PGAP1: variants seen among roughly 807,000 people sequenced by gnomAD.
PGAP1 encodes post-GPI attachment to proteins inositol deacylase 1, also known as GPI inositol-deacylase.
PGAP1 carries 76 observed loss-of-function variants against 127.0 expected under a neutral mutation model. That is an observed-to-expected ratio of 0.60 (90% confidence interval 0.50 to 0.72). The LOEUF (loss-of-function observed/expected upper bound fraction) is 0.72. PGAP1 is among the 30% of genes least tolerant of loss of function. The pLI is 0.00. For missense variants in PGAP1, 982 were observed against 1,071.3 expected, an observed-to-expected ratio of 0.92 and a Z score of 1.16; for synonymous variants, 362 against 366.5, an observed-to-expected ratio of 0.99 and a Z score of 0.14.
At chr2:196,842,687 A>G in intron 26 of PGAP1, 34 bp downstream of exon 26, 1 of 1,134,696 alleles carries the variant, frequency 8.8e-7, no homozygotes, top group Non-Finnish European at 1.3e-6. Context: ...GGCCAAGAAC[A>G]GATATAAGAA....
intron 13 of PGAP1, 37 bp from the exon 14 acceptor site, chr2:196,875,858 G>T: frequency 9.0e-7 from 1 of 1,113,702 alleles, no homozygotes; most frequent in Non-Finnish European, 1.3e-6. Flanking sequence ...GAAAAAGTAA[G>T]TTAAATTTAC....
intron 20 of PGAP1, among the ~76,000 whole-genome samples, chr2:196,855,325 C>CAAAAAAA (rs112534782): frequency 3.0e-5 from 2 of 67,156 alleles, no homozygotes. Flanking sequence ...ACTCTGTCAC[C>CAAAAAAA]AAAAAAAAAA....
In PGAP1 at chr2:196,926,514, T is replaced by G. The variant is rs1576214966; in HGVS notation, c.103A>C (p.Asn35His). Reference sequence around the variant, plus strand: ...AACATGTAGCTCATACTGCACTTATTCTCCTCGAAGCCGAAGAAGACATCC... The same window carrying G: ...AACATGTAGCTCATACTGCACTTATGCTCCTCGAAGCCGAAGAAGACATCC... ...LWDVFFGFEENKCSMSYMFEY... is the reference protein window; with the variant it reads ...LWDVFFGFEEHKCSMSYMFEY... The change falls in exon 1 of 27, where the codon AAT (asparagine) becomes CAT (histidine). Residue 35 changes from asparagine to histidine, a missense_variant. Transcript: ENST00000354764. 6.2e-7 allele frequency: 1 copy of G among 1,614,080 alleles called. No individual in the cohort carries two copies. Among genetic ancestry groups the G allele is most frequent in the Middle Eastern group, 1.6e-4 (1 of 6,062 alleles).
chr2:196,886,413 G>A (rs548996765), intron 10 of PGAP1, among the ~76,000 whole-genome samples: 21 of 151,658 alleles, frequency 1.4e-4, no homozygotes, highest in Non-Finnish European at 2.5e-4. Flanking sequence ...TGCCCGCCTC[G>A]GCCTTCCAAA....
intron 14 of PGAP1, chr2:196,873,990 A>G (rs1393256319): frequency 2.6e-6 from 1 of 379,078 alleles, no homozygotes; most frequent in Non-Finnish European, 4.7e-6. Context: ...TCAGGTATAT[A>G]ATTCCAATTT....
At chr2:196,886,869 T>G (rs1701926846) in intron 10 of PGAP1, among the ~76,000 whole-genome samples, 1 of 152,042 alleles carries the variant, frequency 6.6e-6, no homozygotes, top group Non-Finnish European at 1.5e-5. Context: ...AGCTAATTTT[T>G]GTATTTTTAG....
intron 8 of PGAP1, 120 bp downstream of exon 8, chr2:196,893,020 A>ATG: frequency 2.0e-6 from 1 of 501,788 alleles, no homozygotes; most frequent in Non-Finnish European, 3.5e-6. Flanking sequence ...GTATATATAT[A>ATG]ATAGGATCCT....
chr2:196,912,494 C>G (rs190076993), intron 4 of PGAP1, among the ~76,000 whole-genome samples: 37 of 148,984 alleles, frequency 2.5e-4, no homozygotes, highest in Middle Eastern at 3.5e-3. Flanking sequence ...GCACGAGAAT[C>G]GCTTGAACCT....
At chr2:196,898,145 A>G (rs553616166) in intron 6 of PGAP1, among the ~76,000 whole-genome samples, 172 bp downstream of exon 6, 1 of 152,106 alleles carries the variant, frequency 6.6e-6, no homozygotes, top group East Asian at 1.9e-4. Flanking sequence ...TGAAGCCAGG[A>G]GGCGAGAGGT....
At position 196,892,386 on chromosome 2, in the gene PGAP1, AC is replaced by A; in HGVS notation, c.1048del (p.Val350PhefsTer2). 6.8e-7 allele frequency: 1 copy of A among 1,466,812 alleles called. No individual in the cohort carries two copies. The highest frequency in any genetic ancestry group is 9.4e-7 in the Non-Finnish European group (1 of 1,064,616). 90.9% of individuals were successfully genotyped at this position (1,466,812 alleles called of 1,614,324 possible). A position where few individuals can be genotyped will look rare whatever the true frequency, so the allele number is the denominator to read the frequency against. ...ISDLTGTSMW[V>X]LVKVSKWTYV... ...GGTCCATTTGGACACTTTTACTAGA[AC>A]CCACATAGATGTCCCTGAAGGTAAA... On this transcript the variant is annotated frameshift_variant, in exon 9 of 27. Coordinates refer to ENST00000354764, the MANE Select transcript of PGAP1 (RefSeq NM_024989.4). LOFTEE classifies it high-confidence loss of function.
At chr2:196,867,130 T>C (rs1265033840) in intron 19 of PGAP1, among the ~76,000 whole-genome samples, 1 of 152,172 alleles carries the variant, frequency 6.6e-6, no homozygotes, top group Non-Finnish European at 1.5e-5. Context: ...ATCCCATTAC[T>C]GAGTATATAC....
Position 196,847,947 on chromosome 2 carries a change from C to G in PGAP1, c.1952G>C (p.Gly651Ala). The G allele has an allele frequency of 6.4e-7, 1 of 1,559,644 alleles. No individual in the cohort carries two copies. Reference protein sequence around the residue: ...PFVIIIKFLLGYKWFKELWDV... With the variant: ...PFVIIIKFLLAYKWFKELWDV... ...CATTATCACAGATAATAAAACTTAC[C>G]CCAACAGAAACTTAATGATAATTAC... The change falls in exon 21 of 27, where the codon GGG becomes GCG. Residue 651 changes from glycine (G) to alanine (A), a missense_variant and splice_region_variant. Physicochemically the swap from Gly to Ala is moderately conservative, Grantham distance 60. Transcript: ENST00000354764.
At chr2:196,914,395 T>TA (rs1475590942) in intron 3 of PGAP1, among the ~76,000 whole-genome samples, 9 of 152,058 alleles carry the variant, frequency 5.9e-5, no homozygotes, top group Admixed American at 3.9e-4. Context: ...CCAAGGTAGG[T>TA]GGATCACTTC....
chr2:196,842,060 A>C (rs193015934), intron 26 of PGAP1, among the ~76,000 whole-genome samples: 7 of 151,636 alleles, frequency 4.6e-5, no homozygotes, highest in African/African-American at 7.2e-5. Context: ...AAAAAAAAAA[A>C]CAAAAAACCA....
chr2:196,925,346 G>A (rs1325139623), intron 1 of PGAP1, among the ~76,000 whole-genome samples: 1 of 151,872 alleles, frequency 6.6e-6, no homozygotes, highest in Non-Finnish European at 1.5e-5. Context: ...ATCAGGACTT[G>A]CATCCTTCAC....
Position 196,883,192 on chromosome 2 carries a change from T to C in PGAP1, c.1272+2232A>G, listed in dbSNP as rs74595310. ...TTAATCGAGTTTTGTTCTGGAAGTATGTGTGGGGTGGGAGTAGTTATATGT... is the reference window on the plus strand; with the variant it reads ...TTAATCGAGTTTTGTTCTGGAAGTACGTGTGGGGTGGGAGTAGTTATATGT... On this transcript the variant is annotated intron_variant, in intron 12 of 26. Transcript: ENST00000354764. Among the ~76,000 whole-genome samples the C allele has an allele frequency of 5.7e-3, 863 of 152,328 alleles. 5 individuals carry two copies. The highest frequency in any genetic ancestry group is 0.02 in the African/African-American group (835 of 41,576).
chr2:196,912,956 T>A lies in PGAP1; in HGVS notation c.575A>T (p.Asp192Val), dbSNP rs1576195685. 1 of 1,613,888 alleles carries A rather than the reference T, an allele frequency of 6.2e-7. No homozygotes were observed. Among genetic ancestry groups the A allele is most frequent in the Non-Finnish European group, 8.5e-7 (1 of 1,179,900 alleles). ...ALLTLKNFKH[D>V]LINLLITQAT... ...TTGTGTAATAAGAAGATTTATCAGA[T>A]CATGCTTAAAATTTTTCAGTGTAAG... The change falls in exon 4 of 27, where the codon GAT becomes GTT. Residue 192 changes from aspartate (D) to valine (V), a missense_variant. Coordinates refer to ENST00000354764, the MANE Select transcript of PGAP1 (RefSeq NM_024989.4).
chr2:196,916,678 C>T, intron 2 of PGAP1, 85 bp from the exon 3 acceptor site: 1 of 1,305,062 alleles, frequency 7.7e-7, no homozygotes, highest in Non-Finnish European at 1.0e-6. Context: ...AGTAAATAAC[C>T]TTATCCTGCA....
chr2:196,865,799 T>C (rs990356645), intron 19 of PGAP1, among the ~76,000 whole-genome samples: 2 of 151,870 alleles, frequency 1.3e-5, no homozygotes, highest in East Asian at 3.9e-4. Flanking sequence ...ATACATATAA[T>C]AACAAAAACA....
Sources: gnomAD v4.1 joint callset for allele counts (sites outside exome capture counted in the v4.1 genomes callset) on GRCh38, gnomAD v4.1.1 for gene constraint, MANE v1.5 for transcripts, NCBI Gene and HGNC (gene_info 2026-07-23, HGNC 2026-07-21) for gene names.